The following FGF14 variants were observed in gnomAD, a reference collection of about 807,000 sequenced individuals.
FGF14 encodes fibroblast growth factor homologous factor 4.
In FGF14, 5 loss-of-function variants were observed where a neutral mutation model predicts 25.5. The ratio of observed to expected loss-of-function variants is 0.20; its 90% CI spans 0.10 to 0.41. The LOEUF (loss-of-function observed/expected upper bound fraction) is 0.41. FGF14 is among the 10% of genes least tolerant of loss of function. The pLI is 1.00. For missense variants in FGF14, 222 were observed against 320.1 expected (o/e 0.69, Z 2.34); for synonymous variants, 138 against 118.3 (o/e 1.17, Z -1.08).
At chr13:102,296,926 C>A (rs2054742813) in intron 1 of FGF14, among the ~76,000 whole-genome samples, 1 of 152,074 alleles carries the variant, frequency 6.6e-6, no homozygotes, top group African/African-American at 2.4e-5. Flanking sequence ...TAAATCACCC[C>A]AGCATAAAAA....
rs145704895 is a variant in FGF14, at chr13:101,965,762, T to C, written c.209-90466A>G. Among the ~76,000 whole-genome samples, 31 of 151,524 alleles carry C rather than the reference T, an allele frequency of 2.0e-4. No homozygotes were observed. The East Asian group carries it at 5.3e-3, about 26-fold the overall frequency. On this transcript the variant is annotated intron_variant, in intron 1 of 4. Transcript: ENST00000376131. ...ATAGGAGAAGTCAATTTACTTTAAGTAGAGAAAAAAGAATACTGAAAATAT... is the reference window on the plus strand; with the variant it reads ...ATAGGAGAAGTCAATTTACTTTAAGCAGAGAAAAAAGAATACTGAAAATAT...
chr13:102,222,263 CT>C (rs1566832673), intron 1 of FGF14, among the ~76,000 whole-genome samples: 1 of 152,156 alleles, frequency 6.6e-6, no homozygotes, highest in East Asian at 1.9e-4. Flanking sequence ...GTGTATTATA[CT>C]TAGTCTTATA....
intron 1 of FGF14, among the ~76,000 whole-genome samples, chr13:102,133,831 A>G (rs2046301243): frequency 6.6e-6 from 1 of 152,194 alleles, no homozygotes. Flanking sequence ...TACTCATGTC[A>G]TGAGCACCAA....
At chr13:102,092,549 T>C (rs1420759042) in intron 1 of FGF14, among the ~76,000 whole-genome samples, 4 of 152,144 alleles carry the variant, frequency 2.6e-5, no homozygotes, top group Non-Finnish European at 5.9e-5. Context: ...TTGGCAAAAG[T>C]CTCAAAGTCT....
chr13:102,267,357 G>A (rs909179869), intron 1 of FGF14, among the ~76,000 whole-genome samples: 4 of 152,100 alleles, frequency 2.6e-5, no homozygotes, highest in Non-Finnish European at 5.9e-5. Flanking sequence ...GAGCATTTCA[G>A]ACATCAACTT....
chr13:102,330,322 C>T (rs59209970), intron 1 of FGF14, among the ~76,000 whole-genome samples: 3,523 of 152,166 alleles, frequency 0.023, 137 homozygotes, highest in African/African-American at 0.08. Flanking sequence ...TTATTGTGAA[C>T]CAATTTTCTC....
intron 1 of FGF14, among the ~76,000 whole-genome samples, chr13:102,192,672 A>C (rs759283404): frequency 3.9e-5 from 6 of 152,150 alleles, no homozygotes; most frequent in Non-Finnish European, 7.4e-5. Flanking sequence ...TCTAAATATT[A>C]TCTAAGTTTG....
chr13:101,900,551 T>C (rs1685131803), intron 1 of FGF14, among the ~76,000 whole-genome samples: 1 of 152,088 alleles, frequency 6.6e-6, no homozygotes, highest in Non-Finnish European at 1.5e-5. Context: ...AAATACAATA[T>C]TAGGTAAAAG....
intron 1 of FGF14, among the ~76,000 whole-genome samples, chr13:102,148,391 T>A (rs1319904213): frequency 6.6e-6 from 1 of 152,248 alleles, no homozygotes; most frequent in Non-Finnish European, 1.5e-5. Flanking sequence ...TCTTATAATT[T>A]GGTTCAATAT....
intron 1 of FGF14, among the ~76,000 whole-genome samples, chr13:102,131,463 C>T (rs1299444215): frequency 1.3e-5 from 2 of 152,154 alleles, no homozygotes; most frequent in African/African-American, 4.8e-5. Context: ...GTGCCTCCTC[C>T]ATGATCCTCT....
chr13:102,222,462 T>C (rs1286706207), intron 1 of FGF14, among the ~76,000 whole-genome samples: 1 of 152,196 alleles, frequency 6.6e-6, no homozygotes, highest in Non-Finnish European at 1.5e-5. Context: ...TAAGAAACCT[T>C]GACCAATGGT....
At chr13:101,744,602 A>G (rs541438806) in intron 3 of FGF14, among the ~76,000 whole-genome samples, 1 of 152,232 alleles carries the variant, frequency 6.6e-6, no homozygotes, top group African/African-American at 2.4e-5. Context: ...TGGTTTTAAA[A>G]AATGTTCTCT....
intron 1 of FGF14, among the ~76,000 whole-genome samples, chr13:102,214,448 T>C (rs916582299): frequency 1.3e-5 from 2 of 152,200 alleles, no homozygotes; most frequent in Non-Finnish European, 1.5e-5. Flanking sequence ...GATACATCAT[T>C]GGGTGGCTCC....
chr13:102,326,706 G>GGAAT (rs2056451415), intron 1 of FGF14, among the ~76,000 whole-genome samples: 1 of 64,978 alleles, frequency 1.5e-5, no homozygotes, highest in East Asian at 3.3e-4. Flanking sequence ...AAGGAAGGAA[G>GGAAT]GAAGGAAGGA....
At chr13:101,874,889 C>A (rs531265392) in intron 2 of FGF14, among the ~76,000 whole-genome samples, 3 of 152,032 alleles carry the variant, frequency 2.0e-5, no homozygotes, top group Non-Finnish European at 2.9e-5. Context: ...AGTGTACTTA[C>A]TTAACTTTTA....
At chr13:102,316,065 T>A (rs58916903) in intron 1 of FGF14, among the ~76,000 whole-genome samples, 7 of 152,162 alleles carry the variant, frequency 4.6e-5, no homozygotes, top group Non-Finnish European at 8.8e-5. Flanking sequence ...GGGGAAAATA[T>A]GTCCTGCCAG....
rs1036024106 is a variant in FGF14, at chr13:102,128,125, T to A, written c.209-252829A>T. The stretch of plus-strand genomic sequence containing the variant: ...ATCCAATCCTGACTACACCCCTTAC[T>A]AACAAGGGAACCTTGGACACGTTGC... On this transcript the variant is annotated intron_variant, in intron 1 of 4. Coordinates refer to the FGF14 transcript ENST00000376131. Among the ~76,000 whole-genome samples, 7 of 152,180 alleles carry A rather than the reference T, an allele frequency of 4.6e-5. No individual in the cohort carries two copies. The East Asian group carries it at 1.4e-3, about 29-fold the overall frequency.
intron 1 of FGF14, among the ~76,000 whole-genome samples, chr13:102,196,266 C>T (rs536195720): frequency 6.6e-6 from 1 of 152,170 alleles, no homozygotes; most frequent in Non-Finnish European, 1.5e-5. Flanking sequence ...ATATTAAGTG[C>T]CCTAGTCTTG....
At chr13:101,872,328 ATGTTTCCAT>A (rs2045144543) in intron 2 of FGF14, among the ~76,000 whole-genome samples, 1 of 151,426 alleles carries the variant, frequency 6.6e-6, no homozygotes, top group African/African-American at 2.4e-5. Flanking sequence ...ATTCATAAAC[ATGTTTCCAT>A]TTTTTATAAC....
Sources: gnomAD v4.1 joint callset for allele counts (sites outside exome capture counted in the v4.1 genomes callset) on GRCh38, gnomAD v4.1.1 for gene constraint, MANE v1.5 for transcripts, NCBI Gene and HGNC (gene_info 2026-07-23, HGNC 2026-07-21) for gene names.